The following LEKR1 variants were observed in gnomAD, a reference collection of about 807,000 sequenced individuals.
The protein encoded by LEKR1 is protein LEKR1.
LEKR1 carries 59 observed loss-of-function variants against 72.4 expected under a neutral mutation model. The ratio of observed to expected loss-of-function variants is 0.82; its 90% CI spans 0.66 to 1.01. The LOEUF (loss-of-function observed/expected upper bound fraction) is 1.01, where lower values mean the gene tolerates loss of function less well. Ranked by LOEUF, LEKR1 falls within the 50% of genes least tolerant of loss-of-function variation. The pLI, the probability that LEKR1 is intolerant of heterozygous loss-of-function variation, is 0.00. For synonymous variants in LEKR1, 257 were observed against 263.2 expected, an observed-to-expected ratio of 0.98 and a Z score of 0.23; for missense variants, 728 against 759.2, an observed-to-expected ratio of 0.96 and a Z score of 0.48.
At chr3:156,995,335 G>A (rs1731476365) in intron 9 of LEKR1, among the ~76,000 whole-genome samples, 1 of 152,104 alleles carries the variant, frequency 6.6e-6, no homozygotes, top group African/African-American at 2.4e-5. Flanking sequence ...TCTAAATGTT[G>A]AATGAGAAGG....
Position 156,927,430 on chromosome 3 carries a change from C to A in LEKR1, c.385C>A (p.Gln129Lys). 1 of 1,054,312 alleles carries A rather than the reference C, an allele frequency of 9.5e-7. No individual in the cohort carries two copies. The allele number at this position is 1,054,312 out of a possible 1,614,324, so 65.3% of individuals were successfully genotyped here. Residue 129 changes from glutamine (Q) to lysine (K), a missense_variant and splice_region_variant, in exon 5 of 13, where the codon CAA becomes AAA. Physicochemically the swap from Gln to Lys is moderately conservative, Grantham distance 53 (BLOSUM62 1). Transcript: ENST00000356539. ...CTATTTTTTTTTTTTACTTTGCAGTCAAAGATTGTCAGAGTACAAATATTT... is the reference window on the plus strand; with the variant it reads ...CTATTTTTTTTTTTTACTTTGCAGTAAAAGATTGTCAGAGTACAAATATTT... Reference protein sequence around the residue: ...IKYRQSYIFSQRLSEYKYFWN... With the variant: ...IKYRQSYIFSKRLSEYKYFWN...
intron 6 of LEKR1, among the ~76,000 whole-genome samples, chr3:156,951,484 TCC>T (rs1727150311): frequency 1.3e-5 from 2 of 151,666 alleles, no homozygotes; most frequent in Admixed American, 6.6e-5. Context: ...ATCCATCAGC[TCC>T]TGGGGTTTTT....
intron 3 of LEKR1, among the ~76,000 whole-genome samples, chr3:156,903,750 T>G (rs901384354): frequency 6.6e-6 from 1 of 152,212 alleles, no homozygotes; most frequent in Admixed American, 6.5e-5. Context: ...AAAGTGGTTG[T>G]CCACAGTTCA....
At chr3:156,883,997 C>T (rs1719779910) in intron 3 of LEKR1, among the ~76,000 whole-genome samples, 1 of 152,120 alleles carries the variant, frequency 6.6e-6, no homozygotes, top group Non-Finnish European at 1.5e-5. Flanking sequence ...GTGATATTTT[C>T]TTACTGGACT....
chr3:156,992,006 A>G (rs1376439935), intron 7 of LEKR1, among the ~76,000 whole-genome samples: 2 of 152,218 alleles, frequency 1.3e-5, no homozygotes, highest in African/African-American at 4.8e-5. Flanking sequence ...TCAAATGGCA[A>G]TCTCTGTCCA....
At chr3:157,008,878 T>G (rs889833226) in intron 9 of LEKR1, among the ~76,000 whole-genome samples, 1 of 152,194 alleles carries the variant, frequency 6.6e-6, no homozygotes. Context: ...CATTTCTTCA[T>G]CTATATTGTA....
At chr3:156,976,904 C>G (rs1467044227) in intron 6 of LEKR1, among the ~76,000 whole-genome samples, 1 of 152,162 alleles carries the variant, frequency 6.6e-6, no homozygotes. Flanking sequence ...TAAAACCTAA[C>G]AAGTATGGGT....
At chr3:156,879,164 T>C (rs1718979808) in intron 3 of LEKR1, among the ~76,000 whole-genome samples, 1 of 152,034 alleles carries the variant, frequency 6.6e-6, no homozygotes, top group Admixed American at 6.6e-5. Context: ...GACAGGAAAA[T>C]GTGGGAATGT....
chr3:156,850,899 A>G (rs1051772618), intron 2 of LEKR1, among the ~76,000 whole-genome samples: 3 of 152,216 alleles, frequency 2.0e-5, no homozygotes, highest in Non-Finnish European at 2.9e-5. Context: ...TTTGCACTGC[A>G]GTATTTTTAA....
At chr3:156,988,045 T>C (rs895243524) in intron 7 of LEKR1, 2 of 152,308 alleles carry the variant, frequency 1.3e-5, no homozygotes, top group African/African-American at 4.8e-5. Context: ...AAACCACTTG[T>C]TCTGACTGAA....
chr3:157,036,634 A>G (rs1577027355), intron 12 of LEKR1, among the ~76,000 whole-genome samples: 2 of 152,324 alleles, frequency 1.3e-5, no homozygotes, highest in East Asian at 3.9e-4. Flanking sequence ...GGAATCAGGA[A>G]ATAAGGAATC....
chr3:157,020,702 A>G (rs1471249236), intron 10 of LEKR1, among the ~76,000 whole-genome samples: 1 of 151,720 alleles, frequency 6.6e-6, no homozygotes, highest in Non-Finnish European at 1.5e-5. Flanking sequence ...GGTTGGTTCC[A>G]TGTCTTTGCT....
intron 9 of LEKR1, among the ~76,000 whole-genome samples, chr3:157,000,411 T>C (rs1731913442): frequency 1.3e-5 from 2 of 152,124 alleles, no homozygotes; most frequent in South Asian, 2.1e-4. Context: ...ATAAAGTCCA[T>C]TCTTAGTTTA....
At chr3:156,852,166 T>A (rs553003715) in intron 2 of LEKR1, 7 of 152,282 alleles carry the variant, frequency 4.6e-5, no homozygotes, top group Admixed American at 1.3e-4. Context: ...CTCAGTTTTT[T>A]AAAAAAAGTC....
intron 12 of LEKR1, among the ~76,000 whole-genome samples, chr3:157,037,769 T>G (rs776060064): frequency 6.6e-6 from 1 of 152,176 alleles, no homozygotes; most frequent in Non-Finnish European, 1.5e-5. Context: ...AAGGGATACT[T>G]TCTGAAGGAG....
intron 3 of LEKR1, among the ~76,000 whole-genome samples, chr3:156,888,695 T>G (rs1720354585): frequency 6.6e-6 from 1 of 152,182 alleles, no homozygotes; most frequent in African/African-American, 2.4e-5. Context: ...ATTTTTCAAG[T>G]TTTCTGTTAA....
intron 12 of LEKR1, among the ~76,000 whole-genome samples, chr3:157,043,921 G>A (rs1735558021): frequency 6.6e-6 from 1 of 152,176 alleles, no homozygotes; most frequent in Non-Finnish European, 1.5e-5. Context: ...ACCCAGGAAT[G>A]CAGCTTTTAT....
At chr3:156,951,558 G>A (rs1205881571) in intron 6 of LEKR1, among the ~76,000 whole-genome samples, 2 of 151,430 alleles carry the variant, frequency 1.3e-5, no homozygotes, top group Non-Finnish European at 3.0e-5. Context: ...GTCTGTTCTG[G>A]GAATCAATTT....
At position 157,045,660 on chromosome 3, in the gene LEKR1, G is replaced by A. The variant is rs765575426; in HGVS notation, c.1989G>A (p.Gln663=). ...RVRSGVPILP[Q]PHPPRGGASS... ...GATCAGGCGTGCCCATTCTCCCCCAGCCACATCCTCCCAGGGGTGGAGCAT... is the reference window on the plus strand; with the variant it reads ...GATCAGGCGTGCCCATTCTCCCCCAACCACATCCTCCCAGGGGTGGAGCAT... Residue 663 remains glutamine (Q), a synonymous_variant, in exon 13 of 13, where the codon CAG becomes CAA. Transcript: ENST00000356539. The A allele has an allele frequency of 5.7e-5, 92 of 1,613,904 alleles. No individual in the cohort carries two copies. The highest frequency in any genetic ancestry group is 7.5e-5 in the Non-Finnish European group (89 of 1,180,014).
Sources: gnomAD v4.1 joint callset for allele counts (sites outside exome capture counted in the v4.1 genomes callset) on GRCh38, gnomAD v4.1.1 for gene constraint, MANE v1.5 for transcripts, NCBI Gene and HGNC (gene_info 2026-07-23, HGNC 2026-07-21) for gene names.